Variants in RAVER1 observed in about 807,000 individuals in gnomAD.
The protein encoded by RAVER1 is ribonucleoprotein PTB-binding 1.
A neutral mutation model predicts 68.4 loss-of-function variants in RAVER1; 36 were observed. The ratio of observed to expected loss-of-function variants is 0.53; its 90% CI spans 0.40 to 0.70. The LOEUF is 0.70. Ranked by LOEUF, RAVER1 falls within the 30% of genes least tolerant of loss-of-function variation. The pLI, the probability that RAVER1 is intolerant of heterozygous loss-of-function variation, is 0.00. For missense variants in RAVER1, 933 were observed against 1,019.8 expected (o/e 0.91, Z 1.16); for synonymous variants, 469 against 472.7 (o/e 0.99, Z 0.10).
Position 10,320,744 on chromosome 19 carries a change from G to A in RAVER1, c.1681C>T (p.Leu561Phe). Residue 561 changes from leucine (L) to phenylalanine (F), a missense_variant, in exon 9 of 13, where the codon CTC becomes TTC. Physicochemically the swap from Leu to Phe is conservative, Grantham distance 22. Around this residue, in one of 3 missense-constraint regions of RAVER1, gnomAD observed 699 missense variants for 731.1 expected, o/e 0.96. Coordinates refer to ENST00000617231, the MANE Select transcript of RAVER1 (RefSeq NM_133452.3). ...GGSSSSKAFQ[L>F]KSRLLSPLSS... ...AGGGGGCTGAGCAGGCGGGACTTGAGCTGGAAGGCTTTGCTGCTGCTGCTG... is the reference window on the plus strand; with the variant it reads ...AGGGGGCTGAGCAGGCGGGACTTGAACTGGAAGGCTTTGCTGCTGCTGCTG... 3.9e-6 allele frequency: 6 copies of A among 1,523,378 alleles called. No homozygotes were observed. Among genetic ancestry groups the A allele is most frequent in the Non-Finnish European group, 5.2e-6 (6 of 1,144,766 alleles). 94.4% of individuals were successfully genotyped at this position (1,523,378 alleles called of 1,614,324 possible).
chr19:10,331,182 T>C (rs1183809506), intron 1 of RAVER1, among the ~76,000 whole-genome samples: 1 of 150,404 alleles, frequency 6.6e-6, no homozygotes, highest in Non-Finnish European at 1.5e-5. Flanking sequence ...ACCCCGTCTC[T>C]ACTAAAAATA....
rs1472511107 is a variant in RAVER1, at chr19:10,328,414, G to A, written c.756+228C>T. Among the ~76,000 whole-genome samples the A allele has an allele frequency of 6.6e-6, 1 of 152,174 alleles. No individual in the cohort carries two copies. Among genetic ancestry groups the A allele is most frequent in the East Asian group, 1.9e-4 (1 of 5,198 alleles). On this transcript the variant is annotated intron_variant, in intron 3 of 12. Coordinates refer to ENST00000617231, the MANE Select transcript of RAVER1 (RefSeq NM_133452.3). The surrounding 1 kb of genome is among the most constrained non-coding windows in gnomAD (Gnocchi z 4.4). ...AAAAATATAAAAATTATCCAGGCAT[G>A]GGGGCGGGGCGCCTATAATCCCAGC...
rs1358745874 is a variant in RAVER1 at position 10,321,061 on chromosome 19, G to A, written c.1460C>T (p.Pro487Leu). 4.4e-6 allele frequency: 6 copies of A among 1,377,432 alleles called. No individual in the cohort carries two copies. The highest frequency in any genetic ancestry group is 3.7e-5 in the Admixed American group (1 of 27,274). 85.3% of individuals were successfully genotyped at this position (1,377,432 alleles called of 1,614,324 possible). ...GCAGGGCCTTACCCCAGGGGGCGTC[G>A]GCAGAGGCCCACTGTCTTTCTGGAG... is the stretch of plus-strand genomic sequence containing the variant. The part of the protein sequence containing the change: ...RGLQKDSGPL[P>L]TPPGVSLLGE... The change falls in exon 8 of 13, where the codon CCG (proline) becomes CTG (leucine). Residue 487 changes from proline to leucine, a missense_variant. By Grantham distance (98) the Pro-to-Leu change is moderately conservative. Coordinates refer to ENST00000617231, the MANE Select transcript of RAVER1 (RefSeq NM_133452.3).
At position 10,328,619 on chromosome 19, in the gene RAVER1, C is replaced by A; in HGVS notation, c.756+23G>T. On this transcript the variant is annotated intron_variant, in intron 3 of 12. Transcript: ENST00000617231. The surrounding 1 kb of genome is among the most constrained non-coding windows in gnomAD (Gnocchi z 4.4). ...GTGCTCCGGGCCTGGCACCTGCTCC[C>A]CAATGCTCTCCACAGGGCTCACCTG... is the stretch of plus-strand genomic sequence containing the variant. 1 of 1,510,690 alleles carries A rather than the reference C, an allele frequency of 6.6e-7. No homozygotes were observed. The highest frequency in any genetic ancestry group is 9.0e-7 in the Non-Finnish European group (1 of 1,114,272). 93.6% of individuals were successfully genotyped at this position (1,510,690 alleles called of 1,614,324 possible).
chr19:10,332,791 C>T (rs2040532084), intron 1 of RAVER1, among the ~76,000 whole-genome samples: 2 of 151,970 alleles, frequency 1.3e-5, no homozygotes, highest in Admixed American at 1.3e-4. Context: ...GTTTTGGGGG[C>T]TGAGACCCAG....
rs972272010 is a variant in RAVER1, at chr19:10,322,639, T to G, written c.1173+6A>C. 6.5e-7 allele frequency: 1 copy of G among 1,533,574 alleles called. No homozygotes were observed. The highest frequency in any genetic ancestry group is 8.7e-7 in the Non-Finnish European group (1 of 1,145,630). 95.0% of individuals were successfully genotyped at this position (1,533,574 alleles called of 1,614,324 possible). On this transcript the variant is annotated splice_donor_region_variant and intron_variant, in intron 6 of 12. Coordinates refer to ENST00000617231, the MANE Select transcript of RAVER1 (RefSeq NM_133452.3). This position sits in a 1 kb window ranked among gnomAD's most constrained non-coding sequence, Gnocchi z 4.3. ...GAGCAGTGGGTGAGGGGGATGCGTG[T>G]GTTACCTTCTGGCCCTGGGTCTGCA...
rs955090189 is a variant in RAVER1, at chr19:10,317,871, C to G, written c.1990-98G>C. 5.4e-6 allele frequency: 4 copies of G among 741,166 alleles called. No individual in the cohort carries two copies. The highest frequency in any genetic ancestry group is 1.8e-5 in the African/African-American group (1 of 56,042). 45.9% of individuals were successfully genotyped at this position (741,166 alleles called of 1,614,324 possible). A position where few individuals can be genotyped will look rare whatever the true frequency, so the allele number is the denominator to read the frequency against. On this transcript the variant is annotated intron_variant, in intron 11 of 12. Transcript: ENST00000617231. The surrounding 1 kb of genome is among the most constrained non-coding windows in gnomAD (Gnocchi z 4.3). ...ACTGCCCCCCAGCCCTGAGGGAAAGCGAACAGTTTCAGGTTCAAATCTTGC... is the reference window on the plus strand; with the variant it reads ...ACTGCCCCCCAGCCCTGAGGGAAAGGGAACAGTTTCAGGTTCAAATCTTGC...
At chr19:10,331,383 ATAACAAC>A (rs1568314176) in intron 1 of RAVER1, among the ~76,000 whole-genome samples, 9 of 58,220 alleles carry the variant, frequency 1.5e-4, no homozygotes, top group African/African-American at 3.7e-4. Context: ...AAAAAAAAAA[ATAACAAC>A]AACAAAAAAA....
intron 3 of RAVER1, among the ~76,000 whole-genome samples, chr19:10,326,768 T>G (rs1454996138): frequency 1.3e-5 from 2 of 149,802 alleles, no homozygotes; most frequent in African/African-American, 2.5e-5. Context: ...TTTTTTTTTT[T>G]TTTTTTTTCT....
intron 1 of RAVER1, 133 bp from the exon 2 acceptor site, chr19:10,330,659 G>A: frequency 1.6e-6 from 1 of 613,164 alleles, no homozygotes; most frequent in East Asian, 2.9e-5. Flanking sequence ...AGGAAACTGA[G>A]GCTCGATGCA....
At position 10,321,038 on chromosome 19, in the gene RAVER1, AG is replaced by A; in HGVS notation, c.1473+9del. ...GCTGGTGTGGTGCCGCGCGCAGGGCAGGGCCTTACCCCAGGGGGCGTCGGCA... is the reference window on the plus strand; with the variant it reads ...GCTGGTGTGGTGCCGCGCGCAGGGCAGGCCTTACCCCAGGGGGCGTCGGCA... On this transcript the variant is annotated intron_variant, in intron 8 of 12. Coordinates refer to ENST00000617231, the MANE Select transcript of RAVER1 (RefSeq NM_133452.3). 7.0e-7 allele frequency: 1 copy of A among 1,435,610 alleles called. No homozygotes were observed. Among genetic ancestry groups the A allele is most frequent in the Non-Finnish European group, 9.1e-7 (1 of 1,097,796 alleles). The allele number at this position is 1,435,610 out of a possible 1,614,324, so 88.9% of individuals were successfully genotyped here.
At chr19:10,332,118 C>A (rs1027379101) in intron 1 of RAVER1, among the ~76,000 whole-genome samples, 7 of 152,178 alleles carry the variant, frequency 4.6e-5, no homozygotes, top group Non-Finnish European at 1.0e-4. Flanking sequence ...CCTCAGCCTC[C>A]TGCGTAGCTG....
chr19:10,330,766 G>A (rs2040509275), intron 1 of RAVER1, among the ~76,000 whole-genome samples: 1 of 152,208 alleles, frequency 6.6e-6, no homozygotes, highest in South Asian at 2.1e-4. Context: ...TGCTCTTAGA[G>A]GGTATACCTT....
chr19:10,317,560 A>T lies in RAVER1; in HGVS notation c.2114T>A (p.Leu705Gln). 4.3e-6 allele frequency: 7 copies of T among 1,612,502 alleles called. No homozygotes were observed. Among genetic ancestry groups the T allele is most frequent in the Non-Finnish European group, 5.9e-6 (7 of 1,179,454 alleles). Residue 705 changes from leucine (L) to glutamine (Q), a missense_variant, in exon 13 of 13, where the codon CTG (leucine) becomes CAG (glutamine). Transcript: ENST00000617231. This position sits in a 1 kb window ranked among gnomAD's most constrained non-coding sequence, Gnocchi z 4.3. ...GGQKRSFAHL[L>Q]PSPEPSPEGS... is the part of the protein sequence containing the mutation. ...TTCTGGGCTGGGCTCGGGCGAGGGC[A>T]GCAGGTGGGCAAAGCTGCGTTTCTG...
At position 10,317,642 on chromosome 19, in the gene RAVER1, G is replaced by A. The variant is rs538550251; in HGVS notation, c.2074-42C>T. The A allele has an allele frequency of 9.1e-4, 1,406 of 1,542,376 alleles. No homozygotes were observed. The highest frequency in any genetic ancestry group is 1.2e-3 in the Non-Finnish European group (1,312 of 1,136,514). On this transcript the variant is annotated intron_variant, in intron 12 of 12. Coordinates refer to ENST00000617231, the MANE Select transcript of RAVER1 (RefSeq NM_133452.3). The surrounding 1 kb of genome is among the most constrained non-coding windows in gnomAD (Gnocchi z 4.3). ...GGGCGGGGCGGGTCAGGGGCCGCTGGGGGGCCGGGGCTTCCCAGCCCTGCA... is the reference window on the plus strand; with the variant it reads ...GGGCGGGGCGGGTCAGGGGCCGCTGAGGGGCCGGGGCTTCCCAGCCCTGCA...
chr19:10,318,643 A>C (rs1050052780), intron 10 of RAVER1, among the ~76,000 whole-genome samples: 1 of 152,056 alleles, frequency 6.6e-6, no homozygotes, highest in Non-Finnish European at 1.5e-5. Flanking sequence ...TACAGGCGTG[A>C]GCCACCATGC....
chr19:10,319,148 A>AGGTGGCTC lies in RAVER1; in HGVS notation c.1845+17_1845+18insGAGCCACC. ...GTAAAAGCTGATTGCTACACATGCC[A>AGGTGGCTC]TACCAGGTGGCTCTTACCTTGTGTC... On this transcript the variant is annotated intron_variant, in intron 10 of 12. Coordinates refer to ENST00000617231, the MANE Select transcript of RAVER1 (RefSeq NM_133452.3). 6.2e-7 allele frequency: 1 copy of AGGTGGCTC among 1,612,994 alleles called. No individual in the cohort carries two copies. The highest frequency in any genetic ancestry group is 8.5e-7 in the Non-Finnish European group (1 of 1,179,074).
At position 10,317,153 on chromosome 19, in the gene RAVER1, C is replaced by G. The variant is rs900705749; in HGVS notation, c.*301G>C. 9.0e-6 allele frequency: 4 copies of G among 446,432 alleles called. No homozygotes were observed. The highest frequency in any genetic ancestry group is 8.1e-5 in the Admixed American group (2 of 24,594). The allele number at this position is 446,432 out of a possible 1,614,324, so 27.7% of individuals were successfully genotyped here. On this transcript the variant is annotated 3_prime_UTR_variant, in exon 13 of 13. Coordinates refer to ENST00000617231, the MANE Select transcript of RAVER1 (RefSeq NM_133452.3). This position sits in a 1 kb window ranked among gnomAD's most constrained non-coding sequence, Gnocchi z 4.3. ...ACAGGAGCAATGAGGCAGGAGGGCT[C>G]CGGAGAGACGGGCACAGCGGAGGAG...
rs1291066402 is a variant in RAVER1 at position 10,330,352 on chromosome 19, G to T, written c.286+108C>A. 9.9e-6 allele frequency: 6 copies of T among 608,748 alleles called. No homozygotes were observed. The East Asian group carries it at 1.2e-4, about 12-fold the overall frequency. The allele number at this position is 608,748 out of a possible 1,614,324, so 37.7% of individuals were successfully genotyped here. On this transcript the variant is annotated intron_variant, in intron 2 of 12. Coordinates refer to ENST00000617231, the MANE Select transcript of RAVER1 (RefSeq NM_133452.3). The stretch of plus-strand genomic sequence containing the variant: ...TTGGGGCAACCTGCCATGTTGGCCT[G>T]GGGGGCAATACTGGGCCTGAAGCTC...
Sources: allele counts gnomAD v4.1 joint callset (sites outside exome capture counted in the v4.1 genomes callset), GRCh38; gene constraint gnomAD v4.1.1; regional missense constraint gnomAD v4.1.1; non-coding constraint Gnocchi (gnomAD v3.1); transcripts MANE v1.5; gene names NCBI Gene and HGNC (gene_info 2026-07-23, HGNC 2026-07-21).